BAZ2B: variants seen among roughly 807,000 people sequenced by gnomAD.
BAZ2B encodes bromodomain adjacent to zinc finger domain protein 2B.
Under a neutral mutation model 246.0 loss-of-function variants are expected in BAZ2B, and 91 were observed. The ratio of observed to expected loss-of-function variants is 0.37; its 90% CI spans 0.31 to 0.44. The LOEUF is 0.44. Among genes scored for constraint, BAZ2B ranks in the 20% least tolerant of loss-of-function variants. The pLI is 1.00. For missense variants in BAZ2B, 2,332 were observed against 2,533.7 expected (o/e 0.92, Z 1.71); for synonymous variants, 855 against 860.0 (o/e 0.99, Z 0.10).
chr2:159,688,041 A>C, the BAZ2B span, among the ~76,000 whole-genome samples: 1 of 152,062 alleles, frequency 6.6e-6, no homozygotes. Context: ...TTTATTTTCT[A>C]TTTTACTATT....
At chr2:159,613,402 A>T (rs1695118095) in intron 1 of BAZ2B, among the ~76,000 whole-genome samples, 1 of 151,968 alleles carries the variant, frequency 6.6e-6, no homozygotes, top group South Asian at 2.1e-4. Context: ...TTATAAGAAC[A>T]CAATATTAAG....
At chr2:159,529,328 A>T (rs1432428198) in intron 2 of BAZ2B, among the ~76,000 whole-genome samples, 2 of 151,822 alleles carry the variant, frequency 1.3e-5, no homozygotes, top group East Asian at 3.9e-4. Context: ...AAAAAAAGAC[A>T]TATGCTTAAA....
chr2:159,337,481 CG>C, intron 32 of BAZ2B, 85 bp downstream of exon 32: 1 of 1,610,926 alleles, frequency 6.2e-7, no homozygotes, highest in Non-Finnish European at 8.5e-7. Context: ...TCACCACTAA[CG>C]GATGGTGCAG....
rs2064504111 is a variant in BAZ2B at position 159,398,947 on chromosome 2, C to A, written c.2899-53G>T. 4.6e-6 allele frequency: 7 copies of A among 1,513,606 alleles called. No individual in the cohort carries two copies. In the Admixed American group the frequency reaches 1.0e-4, roughly 22 times the overall value. 93.8% of individuals were successfully genotyped at this position (1,513,606 alleles called of 1,614,324 possible). ...CATGCAACAGCACCACTACAACTTG[C>A]AAATAATGTCAGACTTGAAATGAAG... On this transcript the variant is annotated intron_variant, in intron 17 of 36. Coordinates refer to ENST00000392783, the MANE Select transcript of BAZ2B (RefSeq NM_013450.4).
At chr2:159,638,765 G>A in the BAZ2B span, among the ~76,000 whole-genome samples, 466 of 152,024 alleles carry the variant, frequency 3.1e-3, 3 homozygotes, top group African/African-American at 9.5e-3. Context: ...AGAAAATAGC[G>A]TCAAAAGGGC....
In BAZ2B at chr2:159,430,186, C is replaced by G. The variant is rs573927893; in HGVS notation, c.2194+677G>C. Among the ~76,000 whole-genome samples, 8 of 152,144 alleles carry G rather than the reference C, an allele frequency of 5.3e-5. No individual in the cohort carries two copies. The East Asian group carries it at 1.5e-3, about 29-fold the overall frequency. ...AATATGGGTTTGAACTGTGTGAGTC[C>G]ACTTATATTCAGATTTTCCTCCGCC... is the stretch of plus-strand genomic sequence containing the variant. On this transcript the variant is annotated intron_variant, in intron 10 of 36. Transcript: ENST00000392783.
chr2:159,568,104 T>A (rs1683084490), intron 1 of BAZ2B, among the ~76,000 whole-genome samples: 1 of 152,208 alleles, frequency 6.6e-6, no homozygotes, highest in Non-Finnish European at 1.5e-5. Context: ...ATAACCACTA[T>A]CTAATTCCGG....
At chr2:159,428,535 A>C (rs1478858441) in intron 11 of BAZ2B, 116 bp from the exon 12 acceptor site, 4 of 676,090 alleles carry the variant, frequency 5.9e-6, no homozygotes, top group Non-Finnish European at 9.3e-6. Context: ...GAAAACAAAA[A>C]TAAACTCCTC....
the BAZ2B span, among the ~76,000 whole-genome samples, chr2:159,673,811 A>T: frequency 6.6e-6 from 1 of 152,200 alleles, no homozygotes; most frequent in Non-Finnish European, 1.5e-5. Context: ...ATATAATTAC[A>T]TGTGAAGATA....
chr2:159,585,455 CTG>C (rs1347847473), intron 1 of BAZ2B, among the ~76,000 whole-genome samples: 6 of 152,152 alleles, frequency 3.9e-5, no homozygotes, highest in Admixed American at 3.3e-4. Flanking sequence ...AATGTGAAAA[CTG>C]TATTAAATGT....
intron 13 of BAZ2B, among the ~76,000 whole-genome samples, chr2:159,425,229 G>A (rs915331403): frequency 2.0e-5 from 3 of 152,142 alleles, no homozygotes; most frequent in African/African-American, 7.2e-5. Flanking sequence ...CGCCCAGGCT[G>A]GAGTGCAGTG....
At chr2:159,510,193 T>A (rs1288453167) in intron 2 of BAZ2B, among the ~76,000 whole-genome samples, 1 of 151,964 alleles carries the variant, frequency 6.6e-6, no homozygotes, top group Non-Finnish European at 1.5e-5. Context: ...TATTTTTAAA[T>A]TTTTTTTGAG....
chr2:159,636,393 T>C, the BAZ2B span, among the ~76,000 whole-genome samples: 1 of 152,160 alleles, frequency 6.6e-6, no homozygotes. Flanking sequence ...CTGGGAGAAT[T>C]ATACTGAACT....
intron 25 of BAZ2B, among the ~76,000 whole-genome samples, chr2:159,381,376 A>G (rs185195016): frequency 6.6e-6 from 1 of 151,952 alleles, no homozygotes; most frequent in Admixed American, 6.6e-5. Flanking sequence ...CCAATTATCT[A>G]CTTACTCTGT....
the BAZ2B span, among the ~76,000 whole-genome samples, chr2:159,630,154 A>C: frequency 6.6e-6 from 1 of 152,196 alleles, no homozygotes; most frequent in South Asian, 2.1e-4. Flanking sequence ...TTATAATAAA[A>C]GAGAAACAAA....
chr2:159,524,502 C>T (rs1195726332), intron 2 of BAZ2B, among the ~76,000 whole-genome samples: 2 of 151,886 alleles, frequency 1.3e-5, no homozygotes, highest in Admixed American at 1.3e-4. Context: ...TAAAGAGCTG[C>T]TTTTTGGGGT....
At chr2:159,325,119 A>AT (rs2063477133) in intron 35 of BAZ2B, among the ~76,000 whole-genome samples, 165 bp from the exon 36 acceptor site, 1 of 18,914 alleles carries the variant, frequency 5.3e-5, no homozygotes, top group African/African-American at 2.9e-4. Context: ...TATATATTTT[A>AT]TATATATATA....
rs1253545782 is a variant in BAZ2B, at chr2:159,350,504, T to C, written c.4214-147A>G. On this transcript the variant is annotated intron_variant, in intron 27 of 36. Transcript: ENST00000392783. The stretch of plus-strand genomic sequence containing the variant: ...ATACTCCCTATATTTTCCTTTTTTA[T>C]AGATTATAGCTTTCACTCACTGGAA... The C allele has an allele frequency of 5.1e-6, 3 of 593,150 alleles. No individual in the cohort carries two copies. In the East Asian group the frequency reaches 9.5e-5, roughly 19 times the overall value. 36.7% of individuals were successfully genotyped at this position (593,150 alleles called of 1,614,324 possible). A position where few individuals can be genotyped will look rare whatever the true frequency, so the allele number is the denominator to read the frequency against.
chr2:159,332,881 TG>T, intron 33 of BAZ2B, 195 bp from the exon 34 acceptor site: 1 of 601,028 alleles, frequency 1.7e-6, no homozygotes, highest in Non-Finnish European at 2.8e-6. Flanking sequence ...GCAGTTCTAT[TG>T]GGGTAAATGC....
Sources: allele counts gnomAD v4.1 joint callset (sites outside exome capture counted in the v4.1 genomes callset), GRCh38; gene constraint gnomAD v4.1.1; transcripts MANE v1.5; gene names NCBI Gene and HGNC (gene_info 2026-07-23, HGNC 2026-07-21).